The following NUMB variants were observed in gnomAD, a reference collection of about 807,000 sequenced individuals.
The protein encoded by NUMB is protein numb homolog.
NUMB carries 29 observed loss-of-function variants against 59.7 expected under a neutral mutation model. The ratio of observed to expected loss-of-function variants is 0.49; its 90% confidence interval spans 0.36 to 0.66. The LOEUF (loss-of-function observed/expected upper bound fraction) is 0.66. NUMB is among the 30% of genes least tolerant of loss of function. The probability of loss-of-function intolerance (pLI) is 0.00; values close to 1 mark genes in which losing one functional copy is unlikely to be tolerated. For missense variants in NUMB, 723 were observed against 822.0 expected (o/e 0.88, Z 1.47); for synonymous variants, 288 against 288.2 (o/e 1.00, Z 0.01).
At chr14:73,373,988 C>G (rs1048746994) in intron 2 of NUMB, among the ~76,000 whole-genome samples, 5 of 152,100 alleles carry the variant, frequency 3.3e-5, no homozygotes, top group African/African-American at 4.8e-5. Flanking sequence ...CCAGCCTCAG[C>G]TTCCCTAGTA....
chr14:73,435,866 G>C (rs954816540), intron 1 of NUMB, among the ~76,000 whole-genome samples: 1 of 151,808 alleles, frequency 6.6e-6, no homozygotes, highest in African/African-American at 2.4e-5. Flanking sequence ...AATTAGCAGG[G>C]CATGGTAGTG....
chr14:73,303,584 AAAAAC>A (rs1222556087), intron 6 of NUMB, among the ~76,000 whole-genome samples: 6 of 152,140 alleles, frequency 3.9e-5, no homozygotes, highest in Admixed American at 6.5e-5. Context: ...ACTCCATCTC[AAAAAC>A]AAAACAAAAC....
At chr14:73,322,985 T>G (rs904369641) in intron 5 of NUMB, 145 bp downstream of exon 5, 4 of 610,716 alleles carry the variant, frequency 6.5e-6, no homozygotes, top group African/African-American at 5.6e-5. Flanking sequence ...GCCACCGCGC[T>G]TGGCTGAGAT....
intron 4 of NUMB, among the ~76,000 whole-genome samples, chr14:73,330,522 A>C (rs935785235): frequency 4.6e-5 from 7 of 152,172 alleles, no homozygotes; most frequent in Non-Finnish European, 1.5e-5. Context: ...TCTTGGGCAA[A>C]TTACACGACT....
chr14:73,304,503 CT>C (rs1343727761), intron 6 of NUMB, among the ~76,000 whole-genome samples: 1 of 151,982 alleles, frequency 6.6e-6, no homozygotes, highest in Non-Finnish European at 1.5e-5. Context: ...TAGAGATGGT[CT>C]TGCTATGTTG....
At position 73,401,376 on chromosome 14, in the gene NUMB, T is replaced by C. The variant is rs147717877; in HGVS notation, c.-101+8561A>G. On this transcript the variant is annotated intron_variant, in intron 2 of 12. Coordinates refer to ENST00000555238, the MANE Select transcript of NUMB (RefSeq NM_001005743.2). The stretch of plus-strand genomic sequence containing the variant: ...AATTTTGCTATAAACCTGAAACTGT[T>C]CTAAAAAAATTAAGTCTTCCAAAAC... 8.9e-4 allele frequency among the ~76,000 whole-genome samples: 134 copies of C among 151,306 alleles called. 8 individuals carry two copies. In the East Asian group the frequency reaches 0.025, roughly 29 times the overall value.
At chr14:73,408,606 G>C (rs987024836) in intron 2 of NUMB, among the ~76,000 whole-genome samples, 1 of 151,962 alleles carries the variant, frequency 6.6e-6, no homozygotes, top group Non-Finnish European at 1.5e-5. Context: ...GGCTGGACGC[G>C]GTGGCTCACA....
At chr14:73,340,494 T>C (rs1892575871) in intron 4 of NUMB, among the ~76,000 whole-genome samples, 1 of 152,214 alleles carries the variant, frequency 6.6e-6, no homozygotes, top group Admixed American at 6.5e-5. Context: ...ACTTTACATA[T>C]TTACTTATTC....
chr14:73,358,733 A>G (rs1250384674), intron 3 of NUMB, among the ~76,000 whole-genome samples: 1 of 149,536 alleles, frequency 6.7e-6, no homozygotes, highest in Non-Finnish European at 1.5e-5. Context: ...GTAATTTCCT[A>G]TTTCCTTAAT....
chr14:73,392,659 CA>C (rs1566776699), intron 2 of NUMB, among the ~76,000 whole-genome samples: 1 of 152,186 alleles, frequency 6.6e-6, no homozygotes, highest in Non-Finnish European at 1.5e-5. Context: ...CACACAGTGT[CA>C]TATATTTATT....
At chr14:73,444,523 C>T (rs952811560) in intron 1 of NUMB, among the ~76,000 whole-genome samples, 2 of 151,898 alleles carry the variant, frequency 1.3e-5, no homozygotes, top group Non-Finnish European at 2.9e-5. Flanking sequence ...TGAGGCAAGC[C>T]TTTAAAATAA....
chr14:73,379,484 T>G lies in NUMB; in HGVS notation c.-100-12503A>C, dbSNP rs117550477. 6.9e-3 allele frequency among the ~76,000 whole-genome samples: 1,043 copies of G among 152,234 alleles called. 5 individuals carry two copies. Among genetic ancestry groups the G allele is most frequent in the South Asian group, 0.03 (144 of 4,830 alleles). ...ACTGTCAAAATAATGAAGAAACAAA[T>G]ACATAATATGTTGAGACATATAAAG... On this transcript the variant is annotated intron_variant, in intron 2 of 12. Coordinates refer to ENST00000555238, the MANE Select transcript of NUMB (RefSeq NM_001005743.2).
intron 2 of NUMB, among the ~76,000 whole-genome samples, chr14:73,394,680 T>C (rs1896030736): frequency 6.6e-6 from 1 of 152,224 alleles, no homozygotes; most frequent in Admixed American, 6.5e-5. Context: ...CCCTTTGACC[T>C]GTTCCCTCTC....
rs1250202081 is a variant in NUMB, at chr14:73,354,519, A to G, written c.126+1107T>C. ...CAGCAAGACTCCATCTCAAAAAAAA[A>G]AAAAAAAAAGAATATATAGGAAATA... On this transcript the variant is annotated intron_variant, in intron 4 of 12. Coordinates refer to ENST00000555238, the MANE Select transcript of NUMB (RefSeq NM_001005743.2). 2.7e-5 allele frequency among the ~76,000 whole-genome samples: 4 copies of G among 150,604 alleles called. No individual in the cohort carries two copies. The East Asian group carries it at 7.8e-4, about 29-fold the overall frequency.
rs1393128390 is a variant in NUMB, at chr14:73,277,287, T to G, written c.1247A>C (p.Glu416Ala). ...GGCAGCACCAGAAGATTGACCCCAC[T>G]CGGTCCCTGGAACCAACAAGATGAG... ...KEIAATCSGT[E>A]WGQSSGAASP... Residue 416 changes from glutamate (E) to alanine (A), a missense_variant, in exon 13 of 13, where the codon GAG becomes GCG. Physicochemically the swap from Glu to Ala is moderately radical, Grantham distance 107 (BLOSUM62 -1). Transcript: ENST00000555238. The G allele has an allele frequency of 6.3e-7, 1 of 1,596,278 alleles. No individual in the cohort carries two copies. Among genetic ancestry groups the G allele is most frequent in the Admixed American group, 1.7e-5 (1 of 59,356 alleles).
In NUMB at chr14:73,275,330, C is replaced by T. The variant is rs1006146274; in HGVS notation, c.*1248G>A. On this transcript the variant is annotated 3_prime_UTR_variant, in exon 13 of 13. Coordinates refer to ENST00000555238, the MANE Select transcript of NUMB (RefSeq NM_001005743.2). ...CGTTCAAAAGTAAAAATGAGATGAGCTCTCTTATTGTTATCCGAGGTCAAG... is the reference window on the plus strand; with the variant it reads ...CGTTCAAAAGTAAAAATGAGATGAGTTCTCTTATTGTTATCCGAGGTCAAG... 6.6e-6 allele frequency: 1 copy of T among 152,492 alleles called. No homozygotes were observed. Among genetic ancestry groups the T allele is most frequent in the African/African-American group, 2.4e-5 (1 of 41,396 alleles). 9.4% of individuals were successfully genotyped at this position (152,492 alleles called of 1,614,324 possible).
At chr14:73,280,686 A>ATTT (rs397852698) in intron 11 of NUMB, among the ~76,000 whole-genome samples, 917 of 87,564 alleles carry the variant, frequency 0.01, 13 homozygotes, top group African/African-American at 0.014. Flanking sequence ...TGTTGGTACT[A>ATTT]TTTTTTTTTT....
At chr14:73,352,477 C>CACACACATATATATAT (rs1566756099) in intron 4 of NUMB, among the ~76,000 whole-genome samples, 1 of 12,674 alleles carries the variant, frequency 7.9e-5, no homozygotes, top group Non-Finnish European at 1.7e-4. Context: ...CACACACACA[C>CACACACATATATATAT]ATATATATAT....
At chr14:73,289,324 T>C (rs1043122204) in intron 8 of NUMB, among the ~76,000 whole-genome samples, 4 of 152,242 alleles carry the variant, frequency 2.6e-5, no homozygotes, top group South Asian at 2.1e-4. Context: ...CTGCTTTATA[T>C]AGATACACTG....
Sources: allele counts gnomAD v4.1 joint callset (sites outside exome capture counted in the v4.1 genomes callset), GRCh38; gene constraint gnomAD v4.1.1; transcripts MANE v1.5; gene names NCBI Gene and HGNC (gene_info 2026-07-23, HGNC 2026-07-21).